Variants in MYH8 observed in about 807,000 individuals in gnomAD.
MYH8 encodes the protein myosin-8.
In MYH8, 168 loss-of-function variants were observed where a neutral mutation model predicts 233.2. The ratio of observed to expected loss-of-function variants is 0.72; its 90% CI spans 0.64 to 0.82. The LOEUF is 0.82. Ranked by LOEUF, MYH8 falls within the 40% of genes least tolerant of loss-of-function variation. MYH8 has a pLI of 0.00. For missense variants in MYH8, 1,995 were observed against 2,327.8 expected (o/e 0.86, Z 2.94); for synonymous variants, 785 against 850.6 (o/e 0.92, Z 1.34).
rs2072126196 is a variant in MYH8, at chr17:10,400,413, C to T, written c.3712G>A (p.Ala1238Thr). ...KMETDDLSSNAEAISKAKGNL... is the reference protein window; with the variant it reads ...KMETDDLSSNTEAISKAKGNL... ...ACCTTGGCTTTGGAAATGGCCTCTG[C>T]GTTACTGCTGAGGTCATCAGTCTCC... Residue 1238 changes from alanine to threonine, a missense_variant, in exon 27 of 40, where the codon GCA (alanine) becomes ACA (threonine). Physicochemically the swap from Ala to Thr is moderately conservative, Grantham distance 58 (BLOSUM62 0). Coordinates refer to ENST00000403437, the MANE Select transcript of MYH8 (RefSeq NM_002472.3). The surrounding 1 kb of genome is among the most constrained non-coding windows in gnomAD (Gnocchi z 4.0). The T allele has an allele frequency of 6.2e-7, 1 of 1,613,590 alleles. No homozygotes were observed. Among genetic ancestry groups the T allele is most frequent in the Non-Finnish European group, 8.5e-7 (1 of 1,179,928 alleles).
In MYH8 at chr17:10,404,550, G is replaced by A; in HGVS notation, c.2468C>T (p.Ala823Val). Residue 823 changes from alanine to valine, a missense_variant, in exon 22 of 40, where the codon GCC (alanine) becomes GTC (valine). This residue lies in a region of MYH8 where 1,498 missense variants were observed against 1,680.9 expected (regional missense o/e 0.89). Transcript: ENST00000403437. Reference sequence around the variant, plus strand: ...GGGCCAGTGCTTGACGTTCATGAAGGCACGGACATTATACTGGATGCAGAA... The same window carrying A: ...GGGCCAGTGCTTGACGTTCATGAAGACACGGACATTATACTGGATGCAGAA... ...ALFCIQYNVR[A>V]FMNVKHWPWM... is the part of the protein sequence containing the mutation. The A allele has an allele frequency of 6.2e-7, 1 of 1,613,832 alleles. No homozygotes were observed. The highest frequency in any genetic ancestry group is 8.5e-7 in the Non-Finnish European group (1 of 1,179,854).
rs778549995 is a variant in MYH8, at chr17:10,391,967, T to A, written c.5579A>T (p.Asp1860Val). Reference protein sequence around the residue: ...VKELTYQTEEDRKNVLRLQDL... With the variant: ...VKELTYQTEEVRKNVLRLQDL... Reference sequence around the variant, plus strand: ...CTGCAGCCTGAGAACATTCTTGCGATCTTCTTCAGTCTGAAAGTTTGAAAA... The same window carrying A: ...CTGCAGCCTGAGAACATTCTTGCGAACTTCTTCAGTCTGAAAGTTTGAAAA... The change falls in exon 39 of 40, where the codon GAT (aspartate) becomes GTT (valine). Residue 1860 changes from aspartate to valine, a missense_variant. This residue lies in a region of MYH8 where 1,498 missense variants were observed against 1,680.9 expected (regional missense o/e 0.89). Coordinates refer to ENST00000403437, the MANE Select transcript of MYH8 (RefSeq NM_002472.3). 6.2e-7 allele frequency: 1 copy of A among 1,613,958 alleles called. No individual in the cohort carries two copies. Among genetic ancestry groups the A allele is most frequent in the Non-Finnish European group, 8.5e-7 (1 of 1,179,830 alleles).
In MYH8 at chr17:10,415,732, C is replaced by T. The variant is rs373820766; in HGVS notation, c.512-24G>A. On this transcript the variant is annotated intron_variant, in intron 5 of 39. Coordinates refer to ENST00000403437, the MANE Select transcript of MYH8 (RefSeq NM_002472.3). This position sits in a 1 kb window ranked among gnomAD's most constrained non-coding sequence, Gnocchi z 4.1. Reference sequence around the variant, plus strand: ...ATCTGTGAAAGAATTCAAAATCATCCGTTAAAAAATGCATATTTAATATGA... The same window carrying T: ...ATCTGTGAAAGAATTCAAAATCATCTGTTAAAAAATGCATATTTAATATGA... 18 of 1,608,276 alleles carry T rather than the reference C, an allele frequency of 1.1e-5. No homozygotes were observed. The Admixed American group carries it at 1.7e-4, about 15-fold the overall frequency.
intron 30 of MYH8, 55 bp downstream of exon 30, chr17:10,398,389 C>G: frequency 6.2e-7 from 1 of 1,613,128 alleles, no homozygotes; most frequent in Non-Finnish European, 8.5e-7. Context: ...TTATCATCAT[C>G]ATAAATATCA....
chr17:10,393,887 C>A (rs2142168130), intron 35 of MYH8, among the ~76,000 whole-genome samples: 1 of 149,774 alleles, frequency 6.7e-6, no homozygotes, highest in African/African-American at 2.5e-5. Flanking sequence ...GGAACATTTT[C>A]AGATTTTGGA....
rs185932752 is a variant in MYH8, at chr17:10,415,024, A to G, written c.805+92T>C. ...GTACTGGCAGCAGACTACCCTTTTA[A>G]CAGGCTTCATGCACAGCAAGGGTGG... On this transcript the variant is annotated intron_variant, in intron 9 of 39. Transcript: ENST00000403437. This position sits in a 1 kb window ranked among gnomAD's most constrained non-coding sequence, Gnocchi z 4.1. 61 of 1,206,934 alleles carry G rather than the reference A, an allele frequency of 5.1e-5. 1 individual carries two copies. The Admixed American group carries it at 8.4e-4, about 17-fold the overall frequency. The allele number at this position is 1,206,934 out of a possible 1,614,324, so 74.8% of individuals were successfully genotyped here.
intron 39 of MYH8, 77 bp downstream of exon 39, chr17:10,391,805 T>C: frequency 9.4e-7 from 1 of 1,066,486 alleles, no homozygotes; most frequent in South Asian, 1.3e-5. Flanking sequence ...TCTTCTTCCT[T>C]ATTGACGCAT....
In MYH8 at chr17:10,400,838, GT is replaced by G; in HGVS notation, c.3345+30del. 6.2e-7 allele frequency: 1 copy of G among 1,613,740 alleles called. No homozygotes were observed. Among genetic ancestry groups the G allele is most frequent in the South Asian group, 1.1e-5 (1 of 91,080 alleles). On this transcript the variant is annotated intron_variant, in intron 26 of 39. Transcript: ENST00000403437. This position sits in a 1 kb window ranked among gnomAD's most constrained non-coding sequence, Gnocchi z 4.0. The stretch of plus-strand genomic sequence containing the variant: ...ATCTCAACTTCAGTGTTTTTTTGGT[GT>G]GCAGAAAAAATAGAGGTGAGATGAC...
intron 21 of MYH8, among the ~76,000 whole-genome samples, chr17:10,405,144 T>G (rs2072181612): frequency 6.6e-6 from 1 of 152,224 alleles, no homozygotes. Flanking sequence ...CTTTTTTTGC[T>G]AGCTTCTTCA....
At position 10,401,337 on chromosome 17, in the gene MYH8, C is replaced by T. The variant is rs1346159144; in HGVS notation, c.3046G>A (p.Glu1016Lys). Residue 1016 changes from glutamate to lysine, a missense_variant, in exon 24 of 40, where the codon GAG (glutamate) becomes AAG (lysine). Physicochemically the swap from Glu to Lys is moderately conservative, Grantham distance 56 (BLOSUM62 1). Around this residue, in one of 3 missense-constraint regions of MYH8, gnomAD observed 1,498 missense variants for 1,680.9 expected, o/e 0.89. Coordinates refer to ENST00000403437, the MANE Select transcript of MYH8 (RefSeq NM_002472.3). Reference sequence around the variant, plus strand: ...GTCAGGATGTTGACTTTGTCCTCCTCTGCCTGCAGGTCATCCAGGGTCTGC... The same window carrying T: ...GTCAGGATGTTGACTTTGTCCTCCTTTGCCTGCAGGTCATCCAGGGTCTGC... The part of the protein sequence containing the change: ...HQQTLDDLQA[E>K]EDKVNILTKA... 3 of 1,614,070 alleles carry T rather than the reference C, an allele frequency of 1.9e-6. No homozygotes were observed. In the African/African-American group the frequency reaches 4.0e-5, roughly 22 times the overall value.
rs753280343 is a variant in MYH8, at chr17:10,410,877, A to T, written c.1487T>A (p.Met496Lys). The T allele has an allele frequency of 6.2e-7, 1 of 1,613,730 alleles. No individual in the cohort carries two copies. Among genetic ancestry groups the T allele is most frequent in the Non-Finnish European group, 8.5e-7 (1 of 1,179,942 alleles). ...GTACTCCTCCTGCTCTAGCACAAAC[A>T]TGTGGTGGTTGAAAAACTGTTGCAG... ...EKLQQFFNHH[M>K]FVLEQEEYKK... is the part of the protein sequence containing the mutation. Residue 496 changes from methionine to lysine, a missense_variant, in exon 15 of 40, where the codon ATG (methionine) becomes AAG (lysine). Around this residue, in one of 3 missense-constraint regions of MYH8, gnomAD observed 18 missense variants for 46.1 expected, o/e 0.39. Coordinates refer to ENST00000403437, the MANE Select transcript of MYH8 (RefSeq NM_002472.3).
chr17:10,390,486 G>A lies in MYH8; in HGVS notation c.5782C>T (p.Arg1928Ter), dbSNP rs374253045. The A allele has an allele frequency of 5.6e-6, 9 of 1,613,812 alleles. No homozygotes were observed. The highest frequency in any genetic ancestry group is 3.4e-6 in the Non-Finnish European group (4 of 1,180,046). ...GCACTGATTTTTGTGTGAACCTCTC[G>A]GCTCTTCACTCGCAATTTGTTGACC... The part of the protein sequence containing the change: ...SQVNKLRVKS[R>*]EVHTKISAE The change falls in exon 40 of 40, where the codon CGA becomes TGA. Residue 1928 changes from arginine to a stop codon, truncating the protein, a stop_gained. Transcript: ENST00000403437. LOFTEE classifies it high-confidence loss of function.
At position 10,419,543 on chromosome 17, in the gene MYH8, C is replaced by T. The variant is rs1028478572; in HGVS notation, c.210+475G>A. On this transcript the variant is annotated intron_variant, in intron 3 of 39. Transcript: ENST00000403437. This position sits in a 1 kb window ranked among gnomAD's most constrained non-coding sequence, Gnocchi z 4.0. ...TTCCTATGATGAGCTAGGACACTAT[C>T]TTTTTAAAAGATTTTTTCCTCCCAC... Among the ~76,000 whole-genome samples, 1 of 152,126 alleles carries T rather than the reference C, an allele frequency of 6.6e-6. No individual in the cohort carries two copies. Among genetic ancestry groups the T allele is most frequent in the Non-Finnish European group, 1.5e-5 (1 of 68,010 alleles).
intron 22 of MYH8, among the ~76,000 whole-genome samples, chr17:10,402,946 C>T (rs1391004022): frequency 6.6e-6 from 1 of 152,104 alleles, no homozygotes; most frequent in African/African-American, 2.4e-5. Flanking sequence ...GGTTCTCATG[C>T]CCAGGACAAT....
Position 10,406,929 on chromosome 17 carries a change from G to A in MYH8, c.2016C>T (p.Phe672=), listed in dbSNP as rs12936716. Residue 672 remains phenylalanine (F), a synonymous_variant, in exon 18 of 40, where the codon TTC becomes TTT. Coordinates refer to ENST00000403437, the MANE Select transcript of MYH8 (RefSeq NM_002472.3). ...MTNLRSTHPH[F]VRCIIPNETK... ...TTTCATTGGGAATGATACACCGTAC[G>A]AAGTGAGGGTGTGTGCTCCTCAGAT... is the stretch of plus-strand genomic sequence containing the variant. The A allele has an allele frequency of 0.057, 91,709 of 1,613,586 alleles. 3,012 individuals carry two copies. Among genetic ancestry groups the A allele is most frequent in the South Asian group, 0.11 (9,857 of 91,038 alleles).
rs2072102714 is a variant in MYH8, at chr17:10,398,660, G to C, written c.3982-20C>G. On this transcript the variant is annotated intron_variant, in intron 29 of 39. Transcript: ENST00000403437. ...CTTGGCCTGCAGAAGTAGCAGTTCA[G>C]TGACATAAATTCATGTATTCAGTGA... is the stretch of plus-strand genomic sequence containing the variant. 1 of 1,614,186 alleles carries C rather than the reference G, an allele frequency of 6.2e-7. No individual in the cohort carries two copies. The highest frequency in any genetic ancestry group is 1.1e-5 in the South Asian group (1 of 91,088).
Position 10,417,588 on chromosome 17 carries a change from G to A in MYH8, c.511+1057C>T, listed in dbSNP as rs1043859554. On this transcript the variant is annotated intron_variant, in intron 5 of 39. Transcript: ENST00000403437. The surrounding 1 kb of genome is among the most constrained non-coding windows in gnomAD (Gnocchi z 4.1). ...GGGAGCCATAAGTAACCTTGAATTT[G>A]GAGCAGCCCCAAACCCTGGGGAGCG... Among the ~76,000 whole-genome samples, 2 of 152,178 alleles carry A rather than the reference G, an allele frequency of 1.3e-5. No individual in the cohort carries two copies. Among genetic ancestry groups the A allele is most frequent in the Non-Finnish European group, 2.9e-5 (2 of 68,020 alleles).
chr17:10,412,366 T>A lies in MYH8; in HGVS notation c.1416+4A>T. ...CCTTCTTAATTCTTGTTAATATAACTCACATCAAAGATTTCAAAGCCAGCA... is the reference window on the plus strand; with the variant it reads ...CCTTCTTAATTCTTGTTAATATAACACACATCAAAGATTTCAAAGCCAGCA... On this transcript the variant is annotated splice_donor_region_variant and intron_variant, in intron 14 of 39. Transcript: ENST00000403437. 6.2e-7 allele frequency: 1 copy of A among 1,614,116 alleles called. No homozygotes were observed. The highest frequency in any genetic ancestry group is 8.5e-7 in the Non-Finnish European group (1 of 1,179,988).
In MYH8 at chr17:10,399,526, A is replaced by G. The variant is rs376000652; in HGVS notation, c.3862+17T>C. ...TATTTAGTCCATGGTGTTGGGACCC[A>G]GAGAAGATGTCTTTACCCGCTTCTG... On this transcript the variant is annotated intron_variant, in intron 28 of 39. Coordinates refer to ENST00000403437, the MANE Select transcript of MYH8 (RefSeq NM_002472.3). The G allele has an allele frequency of 1.3e-4, 216 of 1,612,896 alleles. No individual in the cohort carries two copies. In the African/African-American group the frequency reaches 2.7e-3, roughly 20 times the overall value.
Sources: gnomAD v4.1 joint callset for allele counts (sites outside exome capture counted in the v4.1 genomes callset) on GRCh38, gnomAD v4.1.1 for gene constraint, gnomAD v4.1.1 regional missense constraint, Gnocchi (gnomAD v3.1) non-coding constraint, MANE v1.5 for transcripts, NCBI Gene and HGNC (gene_info 2026-07-23, HGNC 2026-07-21) for gene names.